CNTNAP3B: variants seen among roughly 807,000 people sequenced by gnomAD.
The protein encoded by CNTNAP3B is contactin-associated protein-like 3B.
Under a neutral mutation model 108.9 loss-of-function variants are expected in CNTNAP3B, and 25 were observed. The ratio of observed to expected loss-of-function variants is 0.23; its 90% CI spans 0.17 to 0.32. The LOEUF (loss-of-function observed/expected upper bound fraction) is 0.32. Ranked by LOEUF, CNTNAP3B falls within the 10% of genes least tolerant of loss-of-function variation. The probability of loss-of-function intolerance (pLI) is 1.00; values close to 1 mark genes in which losing one functional copy is unlikely to be tolerated. For missense variants in CNTNAP3B, 252 were observed against 1,210.4 expected (o/e 0.21, Z 11.75); for synonymous variants, 103 against 473.4 (o/e 0.22, Z 10.16).
intron 1 of CNTNAP3B, among the ~76,000 whole-genome samples, chr9:42,126,919 G>T (rs1828584144): frequency 7.2e-6 from 1 of 138,328 alleles, no homozygotes; most frequent in Non-Finnish European, 1.5e-5. Flanking sequence ...TCAACAGGCT[G>T]CCTTCGTGGG....
chr9:42,072,387 C>A (rs1827396016), intron 3 of CNTNAP3B, among the ~76,000 whole-genome samples: 1 of 127,110 alleles, frequency 7.9e-6, no homozygotes, highest in African/African-American at 3.3e-5. Context: ...ATGGTTCTCC[C>A]AGAAAATTAT....
chr9:42,024,699 A>G (rs1316080744), intron 3 of CNTNAP3B, among the ~76,000 whole-genome samples: 1 of 137,760 alleles, frequency 7.3e-6, no homozygotes, highest in Non-Finnish European at 1.6e-5. Flanking sequence ...AAAAAACATG[A>G]AAAGATTAAG....
At chr9:41,960,295 G>A (rs1825038171) in intron 12 of CNTNAP3B, 2 of 174,184 alleles carry the variant, frequency 1.1e-5, no homozygotes, top group Non-Finnish European at 2.4e-5. Context: ...ACCATGCGCA[G>A]CCCAAGCAGT....
chr9:42,088,941 G>T lies in CNTNAP3B; in HGVS notation c.197-11879C>A, dbSNP rs532406420. On this transcript the variant is annotated intron_variant, in intron 2 of 23. Transcript: ENST00000377561. Reference sequence around the variant, plus strand: ...TGATTTTATGAAAAATGAGGACCAGGCGTGGTGGCTCACACCTGTAATCCC... The same window carrying T: ...TGATTTTATGAAAAATGAGGACCAGTCGTGGTGGCTCACACCTGTAATCCC... 5.5e-4 allele frequency among the ~76,000 whole-genome samples: 75 copies of T among 137,274 alleles called. 3 individuals carry two copies. Among genetic ancestry groups the T allele is most frequent in the Middle Eastern group, 3.5e-3 (1 of 282 alleles). 90.1% of individuals were successfully genotyped at this position (137,274 alleles called of 152,430 possible).
intron 18 of CNTNAP3B, among the ~76,000 whole-genome samples, chr9:41,917,890 G>T (rs1368749602): frequency 1.3e-5 from 2 of 151,916 alleles, no homozygotes; most frequent in African/African-American, 2.4e-5. Flanking sequence ...ATAGAGTGGA[G>T]CTTCCGTCAT....
intron 13 of CNTNAP3B, among the ~76,000 whole-genome samples, chr9:41,950,691 A>G (rs1252205228): frequency 6.6e-6 from 1 of 151,136 alleles, no homozygotes; most frequent in Non-Finnish European, 1.5e-5. Flanking sequence ...AAAAACCCAT[A>G]GAAATGGAGA....
intron 15 of CNTNAP3B, among the ~76,000 whole-genome samples, chr9:41,927,679 T>G (rs1278897642): frequency 6.6e-6 from 1 of 151,282 alleles, no homozygotes; most frequent in Non-Finnish European, 1.5e-5. Context: ...TTCAGTAAAA[T>G]AAGAGCTAAA....
At chr9:41,938,108 A>G (rs1279816558) in intron 14 of CNTNAP3B, 136 bp downstream of exon 14, 1 of 717,766 alleles carries the variant, frequency 1.4e-6, no homozygotes, top group African/African-American at 1.8e-5. Context: ...ATTTCATCAA[A>G]ACTTGTATTT....
intron 1 of CNTNAP3B, among the ~76,000 whole-genome samples, chr9:42,116,065 T>A (rs1395366321): frequency 2.2e-5 from 3 of 139,426 alleles, no homozygotes; most frequent in Non-Finnish European, 4.6e-5. Context: ...TAGAACTACA[T>A]GACGCATGCA....
chr9:41,942,257 T>C (rs1282212292), intron 13 of CNTNAP3B, among the ~76,000 whole-genome samples: 6 of 152,082 alleles, frequency 3.9e-5, no homozygotes, highest in African/African-American at 9.7e-5. Context: ...GGGCAGATCA[T>C]GAGGTCAGGA....
intron 9 of CNTNAP3B, among the ~76,000 whole-genome samples, chr9:41,977,931 G>A (rs62556369): frequency 0.031 from 3,868 of 123,112 alleles, 18 homozygotes; most frequent in Middle Eastern, 0.078. Flanking sequence ...GTGCCTGGCC[G>A]AATTTTACTT....
chr9:41,938,688 C>A (rs1209230528), intron 13 of CNTNAP3B, among the ~76,000 whole-genome samples: 1 of 152,234 alleles, frequency 6.6e-6, no homozygotes, highest in South Asian at 2.1e-4. Flanking sequence ...AAATAACATT[C>A]AAAAAAATTC....
chr9:41,924,663 ACACACACACAC>A (rs1823761903), intron 15 of CNTNAP3B, among the ~76,000 whole-genome samples: 1 of 148,820 alleles, frequency 6.7e-6, no homozygotes, highest in Admixed American at 6.6e-5. Flanking sequence ...ACACACACAC[ACACACACACAC>A]ACACACACAC....
chr9:42,103,634 C>T (rs1451946770), intron 2 of CNTNAP3B, among the ~76,000 whole-genome samples: 1 of 100,488 alleles, frequency 1.0e-5, no homozygotes, highest in Admixed American at 1.0e-4. Context: ...ACTTGGGAGG[C>T]TGAGGCAGGA....
chr9:41,916,257 T>C (rs1443384644), intron 18 of CNTNAP3B, among the ~76,000 whole-genome samples: 1 of 148,830 alleles, frequency 6.7e-6, no homozygotes, highest in Admixed American at 6.7e-5. Flanking sequence ...TTTTGTAATA[T>C]ATTTCTATAG....
At chr9:42,092,071 T>TACATAATAATCAC (rs1827823101) in intron 2 of CNTNAP3B, among the ~76,000 whole-genome samples, 1 of 75,986 alleles carries the variant, frequency 1.3e-5, no homozygotes, top group Admixed American at 1.5e-4. Flanking sequence ...AGGCATGTAA[T>TACATAATAATCAC]ACATAATAAT....
chr9:42,041,353 A>T (rs868805273), intron 3 of CNTNAP3B, among the ~76,000 whole-genome samples: 350 of 149,936 alleles, frequency 2.3e-3, no homozygotes, highest in Middle Eastern at 6.9e-3. Context: ...CAAAGGGCTA[A>T]TATCCAGAAT....
intron 10 of CNTNAP3B, among the ~76,000 whole-genome samples, chr9:41,964,942 C>A (rs1220441706): frequency 3.9e-5 from 6 of 152,222 alleles, no homozygotes; most frequent in Admixed American, 1.3e-4. Context: ...CAATTACACA[C>A]ATAAAACTAT....
intron 14 of CNTNAP3B, among the ~76,000 whole-genome samples, chr9:41,933,864 G>T (rs1349404080): frequency 6.6e-6 from 1 of 152,122 alleles, no homozygotes; most frequent in East Asian, 1.9e-4. Context: ...TGACAATTCC[G>T]TAAAATTTGT....
Sources: allele counts gnomAD v4.1 joint callset (sites outside exome capture counted in the v4.1 genomes callset), GRCh38; gene constraint gnomAD v4.1.1; transcripts MANE v1.5; gene names NCBI Gene and HGNC (gene_info 2026-07-23, HGNC 2026-07-21).